The following BABAM2 variants were observed in gnomAD, a reference collection of about 807,000 sequenced individuals.
BABAM2 encodes BRISC and BRCA1-A complex member 2.
Under a neutral mutation model 54.7 loss-of-function variants are expected in BABAM2, and 31 were observed. The ratio of observed to expected loss-of-function variants is 0.57; its 90% CI spans 0.43 to 0.77. The LOEUF is 0.77. Among genes scored for constraint, BABAM2 ranks in the 30% least tolerant of loss-of-function variants. The probability of loss-of-function intolerance (pLI) is 0.00; values close to 1 mark genes in which losing one functional copy is unlikely to be tolerated. For synonymous variants in BABAM2, 167 were observed against 162.9 expected, an observed-to-expected ratio of 1.03 and a Z score of -0.19; for missense variants, 364 against 455.8, an observed-to-expected ratio of 0.80 and a Z score of 1.83.
chr2:28,013,924 G>A (rs1164858169), intron 4 of BABAM2, among the ~76,000 whole-genome samples: 3 of 152,012 alleles, frequency 2.0e-5, no homozygotes, highest in Non-Finnish European at 2.9e-5. Flanking sequence ...TCTGCTTATC[G>A]TTAAGATATG....
intron 7 of BABAM2, among the ~76,000 whole-genome samples, chr2:28,230,560 CA>C (rs35644487): frequency 7.7e-5 from 11 of 142,290 alleles, no homozygotes; most frequent in Non-Finnish European, 9.1e-5. Flanking sequence ...ACTAAAAATA[CA>C]AAAAAAAAAA....
At chr2:28,113,042 T>C (rs1050323276) in intron 6 of BABAM2, among the ~76,000 whole-genome samples, 10 of 152,194 alleles carry the variant, frequency 6.6e-5, no homozygotes, top group African/African-American at 2.2e-4. Flanking sequence ...CACTTTTTGA[T>C]GGGGTTGTTT....
At chr2:27,892,171 A>G (rs1281626517) in intron 1 of BABAM2, among the ~76,000 whole-genome samples, 4 of 152,198 alleles carry the variant, frequency 2.6e-5, no homozygotes, top group Non-Finnish European at 1.5e-5. Flanking sequence ...CCAGCTTCCA[A>G]CATTCAACAA....
intron 7 of BABAM2, among the ~76,000 whole-genome samples, chr2:28,230,808 T>C (rs866047875): frequency 9.2e-5 from 14 of 152,224 alleles, no homozygotes; most frequent in South Asian, 8.3e-4. Context: ...TTCAGAACTA[T>C]GAATGATTTT....
chr2:27,890,357 G>A (rs765442643), upstream of BABAM2: 32 of 1,611,880 alleles, frequency 2.0e-5, no homozygotes, highest in East Asian at 2.0e-4. The surrounding 1 kb of genome is among the most constrained non-coding windows in gnomAD (Gnocchi z 4.8). Flanking sequence ...GCTCAAAGGT[G>A]CTGCTGTCCA....
intron 2 of BABAM2, among the ~76,000 whole-genome samples, chr2:27,920,667 G>A (rs573258324): frequency 6.6e-6 from 1 of 152,072 alleles, no homozygotes; most frequent in African/African-American, 2.4e-5. Flanking sequence ...TAGCACAAAC[G>A]TCACTATCAA....
chr2:28,189,996 A>G (rs893714965), intron 7 of BABAM2, among the ~76,000 whole-genome samples: 3 of 152,226 alleles, frequency 2.0e-5, no homozygotes, highest in Admixed American at 2.0e-4. Flanking sequence ...CCACACATCT[A>G]TAGACATTCA....
chr2:28,152,484 A>G (rs1372701487), intron 7 of BABAM2, among the ~76,000 whole-genome samples: 1 of 152,134 alleles, frequency 6.6e-6, no homozygotes, highest in Admixed American at 6.5e-5. Flanking sequence ...AGGGAGGGGA[A>G]ATTGCAGGAG....
chr2:28,241,822 A>T (rs2148070216), intron 9 of BABAM2, among the ~76,000 whole-genome samples: 1 of 145,954 alleles, frequency 6.9e-6, no homozygotes, highest in Non-Finnish European at 1.5e-5. Context: ...TGCCACTTTG[A>T]TCCTTTTTGG....
chr2:28,172,652 G>A (rs947484790), intron 7 of BABAM2, among the ~76,000 whole-genome samples: 2 of 152,178 alleles, frequency 1.3e-5, no homozygotes, highest in African/African-American at 2.4e-5. Context: ...GTATATGCAC[G>A]TGGGTGGGTG....
chr2:28,225,415 G>T (rs7576048), intron 7 of BABAM2, among the ~76,000 whole-genome samples: 57,697 of 152,074 alleles, frequency 0.38, 12,485 homozygotes, highest in East Asian at 0.99. Flanking sequence ...AAAGGAGGAA[G>T]AGGCTTCCAT....
intron 6 of BABAM2, among the ~76,000 whole-genome samples, chr2:28,114,490 A>G (rs1458793993): frequency 6.6e-6 from 1 of 152,224 alleles, no homozygotes; most frequent in Admixed American, 6.5e-5. Context: ...AGGATCTCCT[A>G]TTGAAGAAGA....
chr2:28,236,655 C>T (rs1488863472), intron 7 of BABAM2, among the ~76,000 whole-genome samples: 1 of 152,158 alleles, frequency 6.6e-6, no homozygotes, highest in Non-Finnish European at 1.5e-5. Context: ...CGTGAGCCAC[C>T]ATGCCTGGCC....
chr2:28,167,495 A>G (rs1159590396), intron 7 of BABAM2, among the ~76,000 whole-genome samples: 1 of 152,100 alleles, frequency 6.6e-6, no homozygotes. Context: ...GGAGTTCCAG[A>G]CCAGCCTGGC....
At chr2:28,207,316 C>T (rs1678962367) in intron 7 of BABAM2, among the ~76,000 whole-genome samples, 1 of 147,524 alleles carries the variant, frequency 6.8e-6, no homozygotes, top group South Asian at 2.2e-4. Flanking sequence ...CCAGCCTGGG[C>T]AACATAGCAA....
At chr2:28,222,094 T>G (rs187771073) in intron 7 of BABAM2, among the ~76,000 whole-genome samples, 1 of 152,304 alleles carries the variant, frequency 6.6e-6, no homozygotes, top group Non-Finnish European at 1.5e-5. Context: ...AGCTCTGTGG[T>G]GGACCTTACA....
intron 6 of BABAM2, among the ~76,000 whole-genome samples, chr2:28,114,459 A>G (rs149888466): frequency 1.3e-5 from 2 of 152,210 alleles, no homozygotes; most frequent in African/African-American, 2.4e-5. Flanking sequence ...GCTCTTGATA[A>G]TTAATCACGT....
chr2:28,015,295 C>G (rs1674717647), intron 4 of BABAM2, among the ~76,000 whole-genome samples: 1 of 152,126 alleles, frequency 6.6e-6, no homozygotes. Flanking sequence ...TAAAGGTATA[C>G]AAGGGGAAAA....
chr2:28,241,332 G>A lies in BABAM2; in HGVS notation c.790G>A (p.Val264Met), dbSNP rs746140512. Reference protein sequence around the residue: ...CHLLTNKVQYVIQGYHKRREY... With the variant: ...CHLLTNKVQYMIQGYHKRREY... ...TGGGTTTCTATTCCAGGTGCAGTAC[G>A]TGATTCAAGGGTATCACAAAAGAAG... Residue 264 changes from valine to methionine, a missense_variant, in exon 9 of 12, where the codon GTG becomes ATG. Physicochemically the swap from Val to Met is conservative, Grantham distance 21. Transcript: ENST00000379624. 41 of 1,613,830 alleles carry A rather than the reference G, an allele frequency of 2.5e-5. No homozygotes were observed. The highest frequency in any genetic ancestry group is 3.1e-5 in the Non-Finnish European group (36 of 1,179,910).
Sources: allele counts gnomAD v4.1 joint callset (sites outside exome capture counted in the v4.1 genomes callset), GRCh38; gene constraint gnomAD v4.1.1; non-coding constraint Gnocchi (gnomAD v3.1); transcripts MANE v1.5; gene names NCBI Gene and HGNC (gene_info 2026-07-23, HGNC 2026-07-21).